Variants in NUDT9 observed in about 807,000 individuals in gnomAD.
NUDT9 encodes the protein ADP-ribose pyrophosphatase.
NUDT9 carries 31 observed loss-of-function variants against 41.0 expected under a neutral mutation model. That is an observed-to-expected ratio of 0.76 (90% CI 0.57 to 1.02). The LOEUF is 1.02. Ranked by LOEUF, NUDT9 falls within the 50% of genes least tolerant of loss-of-function variation. NUDT9 has a pLI of 0.00. For synonymous variants in NUDT9, 146 were observed against 147.6 expected, an observed-to-expected ratio of 0.99 and a Z score of 0.08; for missense variants, 380 against 431.4, an observed-to-expected ratio of 0.88 and a Z score of 1.06.
At chr4:87,428,868 G>A (rs564380307) in intron 1 of NUDT9, among the ~76,000 whole-genome samples, 4 of 152,252 alleles carry the variant, frequency 2.6e-5, no homozygotes, top group East Asian at 3.9e-4. Flanking sequence ...GGAGCCATAC[G>A]TTTGTTAAAA....
rs1723102598 is a variant in NUDT9, at chr4:87,458,992, G to C, written c.*971G>C. 6.6e-6 allele frequency: 1 copy of C among 152,156 alleles called. No individual in the cohort carries two copies. Among genetic ancestry groups the C allele is most frequent in the Admixed American group, 6.5e-5 (1 of 15,278 alleles). The allele number at this position is 152,156 out of a possible 1,614,324, so 9.4% of individuals were successfully genotyped here. The stretch of plus-strand genomic sequence containing the variant: ...TTCTATTATAAACACATACTCACGT[G>C]TATGTTCATTGCTGCACTATTCACA... On this transcript the variant is annotated 3_prime_UTR_variant, in exon 8 of 8. Transcript: ENST00000302174.
intron 5 of NUDT9, among the ~76,000 whole-genome samples, chr4:87,450,128 G>A (rs1722640854): frequency 6.6e-6 from 1 of 152,112 alleles, no homozygotes; most frequent in Admixed American, 6.5e-5. Flanking sequence ...GCCTCCCAAA[G>A]TGCTGGGATT....
intron 2 of NUDT9, 122 bp from the exon 3 acceptor site, chr4:87,438,151 AAACT>A (rs1401613484): frequency 8.1e-6 from 4 of 494,896 alleles, no homozygotes; most frequent in Non-Finnish European, 1.4e-5. Context: ...AAAAAAAAAA[AAACT>A]AACCCTTAAA....
intron 1 of NUDT9, among the ~76,000 whole-genome samples, chr4:87,431,757 C>T (rs1217362758): frequency 6.6e-6 from 1 of 152,172 alleles, no homozygotes; most frequent in Non-Finnish European, 1.5e-5. Context: ...TTGATCTCGG[C>T]TTACTGCAAC....
chr4:87,440,897 T>C (rs1282975869), intron 3 of NUDT9, among the ~76,000 whole-genome samples: 1 of 152,018 alleles, frequency 6.6e-6, no homozygotes, highest in African/African-American at 2.4e-5. Flanking sequence ...CTGCCCCTCC[T>C]CCTGTGAATT....
chr4:87,427,955 C>T (rs1721506809), intron 1 of NUDT9, among the ~76,000 whole-genome samples: 1 of 152,036 alleles, frequency 6.6e-6, no homozygotes, highest in Admixed American at 6.6e-5. Flanking sequence ...GTGAGGGAGA[C>T]TTTATTTTCA....
chr4:87,446,446 G>A (rs1331240405), intron 4 of NUDT9, among the ~76,000 whole-genome samples: 1 of 152,002 alleles, frequency 6.6e-6, no homozygotes, highest in African/African-American at 2.4e-5. Context: ...TGTTGGCCAG[G>A]ATGGTCTTGA....
intron 3 of NUDT9, among the ~76,000 whole-genome samples, chr4:87,441,590 A>G (rs1405486485): frequency 6.6e-6 from 1 of 152,194 alleles, no homozygotes; most frequent in East Asian, 1.9e-4. Context: ...TTGTAGAACC[A>G]CTTGGGGTAT....
chr4:87,429,721 T>C (rs1389284731), intron 1 of NUDT9, among the ~76,000 whole-genome samples: 2 of 140,568 alleles, frequency 1.4e-5, no homozygotes, highest in Non-Finnish European at 3.1e-5. Context: ...GTCTCTTCTT[T>C]CCCCCTCATC....
At chr4:87,424,993 G>C (rs887275817) in intron 1 of NUDT9, among the ~76,000 whole-genome samples, 5 of 152,170 alleles carry the variant, frequency 3.3e-5, no homozygotes, top group African/African-American at 1.2e-4. Flanking sequence ...AGGTTGCAGT[G>C]AGCTGAGATC....
intron 1 of NUDT9, among the ~76,000 whole-genome samples, chr4:87,427,505 A>G (rs556040032): frequency 6.6e-6 from 1 of 152,244 alleles, no homozygotes; most frequent in Non-Finnish European, 1.5e-5. Flanking sequence ...GCATATATAG[A>G]TAGCAGTGTT....
chr4:87,443,202 A>G (rs1401745316), intron 4 of NUDT9, among the ~76,000 whole-genome samples: 1 of 152,188 alleles, frequency 6.6e-6, no homozygotes, highest in Non-Finnish European at 1.5e-5. Context: ...CCACCGTTGC[A>G]TATGTGGTCT....
At position 87,422,765 on chromosome 4, in the gene NUDT9, C is replaced by T; in HGVS notation, c.-141C>T. 2.3e-6 allele frequency: 1 copy of T among 436,402 alleles called. No homozygotes were observed. The highest frequency in any genetic ancestry group is 4.0e-6 in the Non-Finnish European group (1 of 252,530). The allele number at this position is 436,402 out of a possible 1,614,324, so 27.0% of individuals were successfully genotyped here. On this transcript the variant is annotated 5_prime_UTR_variant, in exon 1 of 8. Transcript: ENST00000302174. Reference sequence around the variant, plus strand: ...TGTGATTTATAGATAGGCACAGCTACTCCCGTTCGGGAACCCAACGGCAGA... The same window carrying T: ...TGTGATTTATAGATAGGCACAGCTATTCCCGTTCGGGAACCCAACGGCAGA...
At chr4:87,428,554 A>G (rs1560787027) in intron 1 of NUDT9, among the ~76,000 whole-genome samples, 1 of 152,166 alleles carries the variant, frequency 6.6e-6, no homozygotes, top group Non-Finnish European at 1.5e-5. Flanking sequence ...ATTTAGTGCT[A>G]AGAAGAAATG....
At chr4:87,449,860 T>TTTTA (rs926397829) in intron 5 of NUDT9, among the ~76,000 whole-genome samples, 2 of 152,082 alleles carry the variant, frequency 1.3e-5, no homozygotes, top group African/African-American at 2.4e-5. Flanking sequence ...ATTTTTTATT[T>TTTTA]TTTATTTATT....
Position 87,435,220 on chromosome 4 carries a change from G to A in NUDT9, c.347G>A (p.Ser116Asn). ...AGPRWADPQISESNFSPKFNE... is the reference protein window; with the variant it reads ...AGPRWADPQINESNFSPKFNE... ...CCCAGGTGGGCAGATCCTCAGATCA[G>A]GTGAGCAAATAAGACAGCGTTAGCT... The change falls in exon 2 of 8, where the codon AGT becomes AAT. Residue 116 changes from serine (S) to asparagine (N), a missense_variant and splice_region_variant. Ser to Asn is a conservative substitution (Grantham distance 46). Transcript: ENST00000302174. The A allele has an allele frequency of 1.2e-6, 2 of 1,607,680 alleles. No homozygotes were observed. The highest frequency in any genetic ancestry group is 1.7e-6 in the Non-Finnish European group (2 of 1,176,424).
chr4:87,447,361 T>C (rs1312684452), intron 4 of NUDT9, among the ~76,000 whole-genome samples: 1 of 152,184 alleles, frequency 6.6e-6, no homozygotes, highest in Non-Finnish European at 1.5e-5. Context: ...GTAGATATGG[T>C]AGTCAGCTAC....
At chr4:87,436,350 AC>A (rs1236999121) in intron 2 of NUDT9, among the ~76,000 whole-genome samples, 1 of 151,768 alleles carries the variant, frequency 6.6e-6, no homozygotes, top group Non-Finnish European at 1.5e-5. Flanking sequence ...TCCTTTTCTA[AC>A]CCAGGGTGGA....
intron 3 of NUDT9, among the ~76,000 whole-genome samples, chr4:87,439,108 G>A (rs2110173167): frequency 6.6e-6 from 1 of 152,058 alleles, no homozygotes; most frequent in Non-Finnish European, 1.5e-5. Context: ...GGAGGTTGCG[G>A]TGGGCTGAGA....
Sources: gnomAD v4.1 joint callset for allele counts (sites outside exome capture counted in the v4.1 genomes callset) on GRCh38, gnomAD v4.1.1 for gene constraint, MANE v1.5 for transcripts, NCBI Gene and HGNC (gene_info 2026-07-23, HGNC 2026-07-21) for gene names.